Variants in DGLUCY observed in about 807,000 individuals in gnomAD.
The protein encoded by DGLUCY is D-glutamate cyclase.
A neutral mutation model predicts 58.5 loss-of-function variants in DGLUCY; 58 were observed. The ratio of observed to expected loss-of-function variants is 0.99; its 90% CI spans 0.80 to 1.23. DGLUCY has a LOEUF of 1.23. Ranked by LOEUF, DGLUCY falls within the 50% of genes most tolerant of loss-of-function variation. The pLI is 0.00. For synonymous variants in DGLUCY, 325 were observed against 314.1 expected, an observed-to-expected ratio of 1.03 and a Z score of -0.37; for missense variants, 779 against 784.7, an observed-to-expected ratio of 0.99 and a Z score of 0.09.
intron 1 of DGLUCY, among the ~76,000 whole-genome samples, chr14:91,063,678 G>C (rs750080647): frequency 1.3e-5 from 2 of 152,254 alleles, no homozygotes; most frequent in African/African-American, 2.4e-5. Context: ...GAGCCTATTC[G>C]GTTGAGAGAT....
intron 1 of DGLUCY, among the ~76,000 whole-genome samples, chr14:91,140,088 A>G (rs1028617823): frequency 6.6e-6 from 1 of 152,196 alleles, no homozygotes; most frequent in Non-Finnish European, 1.5e-5. Context: ...AAAAGGAAAG[A>G]CAGATTCTTG....
chr14:91,147,789 C>G (rs1176118680), intron 1 of DGLUCY: 4 of 152,232 alleles, frequency 2.6e-5, no homozygotes, highest in Non-Finnish European at 5.9e-5. Flanking sequence ...AGGTGGCATT[C>G]TTCTTCAGAG....
At chr14:91,156,755 C>T (rs558168528) in intron 1 of DGLUCY, among the ~76,000 whole-genome samples, 3 of 152,204 alleles carry the variant, frequency 2.0e-5, no homozygotes, top group Admixed American at 6.5e-5. Flanking sequence ...CCAGGGCTCA[C>T]TGATTGGATC....
chr14:91,192,756 A>G, intron 9 of DGLUCY, among the ~76,000 whole-genome samples: 1 of 152,196 alleles, frequency 6.6e-6, no homozygotes. Context: ...GTTAGCCAAG[A>G]TCGCACCAAT....
chr14:91,196,623 C>G, intron 10 of DGLUCY, 149 bp downstream of exon 10: 1 of 643,826 alleles, frequency 1.6e-6, no homozygotes, highest in Non-Finnish European at 2.7e-6. Flanking sequence ...ACCAGACTAA[C>G]AAATGAGGCT....
chr14:91,144,722 G>A (rs778950747), intron 1 of DGLUCY, among the ~76,000 whole-genome samples: 8 of 152,306 alleles, frequency 5.3e-5, no homozygotes, highest in African/African-American at 7.2e-5. Context: ...GGGAGCTCTC[G>A]TGGGAAGTGG....
chr14:91,214,525 G>A (rs1346251877), intron 12 of DGLUCY, among the ~76,000 whole-genome samples: 1 of 152,258 alleles, frequency 6.6e-6, no homozygotes, highest in African/African-American at 2.4e-5. Flanking sequence ...GGGCTTCCAC[G>A]TGGCACAGGG....
chr14:91,095,945 A>T (rs1436667882), intron 1 of DGLUCY, among the ~76,000 whole-genome samples: 2 of 152,206 alleles, frequency 1.3e-5, no homozygotes, highest in Non-Finnish European at 2.9e-5. Flanking sequence ...TGCTGACCTG[A>T]GCCAGGTGCT....
At chr14:91,182,928 A>C (rs1046888965) in intron 8 of DGLUCY, among the ~76,000 whole-genome samples, 1 of 146,222 alleles carries the variant, frequency 6.8e-6, no homozygotes, top group East Asian at 1.9e-4. Context: ...TTTATTTTTT[A>C]TTTTATTTTA....
intron 8 of DGLUCY, among the ~76,000 whole-genome samples, chr14:91,185,184 G>A (rs1284599497): frequency 6.7e-6 from 1 of 149,376 alleles, no homozygotes; most frequent in African/African-American, 2.5e-5. Flanking sequence ...GGCCAGGCTT[G>A]TCTCGAACTC....
At chr14:91,118,789 G>A (rs554331833) in intron 1 of DGLUCY, among the ~76,000 whole-genome samples, 6 of 152,120 alleles carry the variant, frequency 3.9e-5, no homozygotes, top group Non-Finnish European at 8.8e-5. Flanking sequence ...GAAGGGCTTA[G>A]AATTTTACTT....
At chr14:91,156,865 G>C (rs1259119282) in intron 1 of DGLUCY, among the ~76,000 whole-genome samples, 1 of 152,236 alleles carries the variant, frequency 6.6e-6, no homozygotes, top group African/African-American at 2.4e-5. Context: ...AGTCTGAGAA[G>C]TTCAGGATTC....
intron 13 of DGLUCY, among the ~76,000 whole-genome samples, chr14:91,218,265 G>A (rs17127183): frequency 0.032 from 4,863 of 152,202 alleles, 132 homozygotes; most frequent in Admixed American, 0.082. Context: ...CCTGATTCAC[G>A]CAGACACAAA....
rs778685214 is a variant in DGLUCY at position 91,181,393 on chromosome 14, AG to A, written c.934+5del. 2 of 1,611,860 alleles carry A rather than the reference AG, an allele frequency of 1.2e-6. No individual in the cohort carries two copies. The highest frequency in any genetic ancestry group is 2.2e-5 in the East Asian group (1 of 44,880). On this transcript the variant is annotated splice_donor_5th_base_variant and intron_variant, in intron 8 of 13. Transcript: ENST00000256324. ...TCTATGATCGGCATAGACCCAGGTAAGAAACAACACATTTGCTCGGCATAGA... is the reference window on the plus strand; with the variant it reads ...TCTATGATCGGCATAGACCCAGGTAAAAACAACACATTTGCTCGGCATAGA...
At chr14:91,195,766 G>A (rs953881733) in intron 9 of DGLUCY, among the ~76,000 whole-genome samples, 15 of 150,632 alleles carry the variant, frequency 1.0e-4, no homozygotes, top group African/African-American at 3.4e-4. Flanking sequence ...TGCCTCCCAG[G>A]TTCAAGCAAT....
In DGLUCY at chr14:91,108,250, G is replaced by A. The variant is rs189802521; in HGVS notation, c.-82+189G>A. 3.7e-3 allele frequency among the ~76,000 whole-genome samples: 556 copies of A among 152,140 alleles called. 2 individuals carry two copies. The highest frequency in any genetic ancestry group is 0.013 in the African/African-American group (521 of 41,510). On this transcript the variant is annotated intron_variant, in intron 1 of 4. Transcript: ENST00000518871. Reference sequence around the variant, plus strand: ...AAGTGTAGGGTCAGTCCCTGTCCTCGTTTAAAATTTTGGTACTGGGTTCAT... The same window carrying A: ...AAGTGTAGGGTCAGTCCCTGTCCTCATTTAAAATTTTGGTACTGGGTTCAT...
At chr14:91,163,509 G>T (rs763643364) in intron 3 of DGLUCY, among the ~76,000 whole-genome samples, 19 of 152,182 alleles carry the variant, frequency 1.2e-4, no homozygotes, top group Admixed American at 1.2e-3. Context: ...TGTAGCGACT[G>T]TGATAATGAG....
intron 1 of DGLUCY, among the ~76,000 whole-genome samples, chr14:91,153,854 T>C (rs760245203): frequency 6.6e-6 from 1 of 152,208 alleles, no homozygotes; most frequent in Non-Finnish European, 1.5e-5. Flanking sequence ...CCTCAGGCGG[T>C]CCTGAGGACA....
chr14:91,184,550 TGAAA>T (rs367861135), intron 8 of DGLUCY, among the ~76,000 whole-genome samples: 54 of 95,616 alleles, frequency 5.6e-4, no homozygotes, highest in African/African-American at 1.6e-3. Context: ...CAATACCCTG[TGAAA>T]GAAAGAAAGA....
Sources: gnomAD v4.1 joint callset for allele counts (sites outside exome capture counted in the v4.1 genomes callset) on GRCh38, gnomAD v4.1.1 for gene constraint, MANE v1.5 for transcripts, NCBI Gene and HGNC (gene_info 2026-07-23, HGNC 2026-07-21) for gene names.